Variants in PDE11A observed in about 807,000 individuals in gnomAD.
PDE11A encodes phosphodiesterase 11A.
Under a neutral mutation model 100.5 loss-of-function variants are expected in PDE11A, and 100 were observed. That is an observed-to-expected ratio of 1.00 (90% confidence interval 0.85 to 1.18). The LOEUF (loss-of-function observed/expected upper bound fraction) is 1.18, where lower values mean the gene tolerates loss of function less well. Ranked by LOEUF, PDE11A falls within the 50% of genes most tolerant of loss-of-function variation. The pLI is 0.00. For missense variants in PDE11A, 1,141 were observed against 1,152.6 expected, an observed-to-expected ratio of 0.99 and a Z score of 0.15; for synonymous variants, 381 against 420.8, an observed-to-expected ratio of 0.91 and a Z score of 1.16.
intron 2 of PDE11A, among the ~76,000 whole-genome samples, chr2:178,089,767 GA>G (rs1479238462): frequency 6.6e-6 from 1 of 152,154 alleles, no homozygotes; most frequent in Non-Finnish European, 1.5e-5. Context: ...CAAGTACTTG[GA>G]AAGAAAGCTG....
At chr2:177,726,973 CA>C (rs1244273890) in intron 12 of PDE11A, among the ~76,000 whole-genome samples, 4 of 151,586 alleles carry the variant, frequency 2.6e-5, no homozygotes, top group South Asian at 4.2e-4. Context: ...GAAATTATGC[CA>C]AAAAAAGCCT....
intron 4 of PDE11A, among the ~76,000 whole-genome samples, chr2:177,891,848 A>G (rs2084534347): frequency 6.6e-6 from 1 of 152,152 alleles, no homozygotes; most frequent in African/African-American, 2.4e-5. Context: ...TGACTTGCAA[A>G]CCCTAAAATA....
chr2:178,099,150 G>C (rs897626394), intron 2 of PDE11A, among the ~76,000 whole-genome samples: 1 of 152,172 alleles, frequency 6.6e-6, no homozygotes, highest in Non-Finnish European at 1.5e-5. Flanking sequence ...GTACGGCCAG[G>C]AACAGTGGCC....
intron 2 of PDE11A, among the ~76,000 whole-genome samples, chr2:178,087,156 C>T (rs528439895): frequency 2.0e-5 from 3 of 152,002 alleles, no homozygotes; most frequent in Non-Finnish European, 4.4e-5. Flanking sequence ...CCAAAGAGAA[C>T]AGCCTGACCA....
At chr2:177,934,084 G>A (rs961115558) in intron 2 of PDE11A, among the ~76,000 whole-genome samples, 1 of 152,078 alleles carries the variant, frequency 6.6e-6, no homozygotes, top group Non-Finnish European at 1.5e-5. Flanking sequence ...AAGAATTTAT[G>A]ACTAAGTTTT....
intron 1 of PDE11A, among the ~76,000 whole-genome samples, chr2:178,048,670 C>T (rs1260743358): frequency 6.6e-6 from 1 of 152,120 alleles, no homozygotes; most frequent in Non-Finnish European, 1.5e-5. Flanking sequence ...AGGCCCCTTG[C>T]ATGGGGAGGA....
intron 2 of PDE11A, among the ~76,000 whole-genome samples, chr2:177,923,937 T>G (rs1196555072): frequency 1.3e-5 from 2 of 152,054 alleles, no homozygotes; most frequent in African/African-American, 4.8e-5. Context: ...AATAAAAGAA[T>G]CAATTAATAA....
At chr2:177,754,856 T>C (rs2082070110) in intron 10 of PDE11A, among the ~76,000 whole-genome samples, 1 of 152,254 alleles carries the variant, frequency 6.6e-6, no homozygotes, top group African/African-American at 2.4e-5. Context: ...GGAATGTCCT[T>C]CTACTAATTG....
intron 19 of PDE11A, among the ~76,000 whole-genome samples, chr2:177,657,079 A>C (rs949935148): frequency 2.0e-5 from 3 of 152,204 alleles, no homozygotes; most frequent in African/African-American, 7.2e-5. Context: ...AAAAAACATC[A>C]TTTTGTCAAA....
At chr2:177,977,273 A>T (rs2085821539) in intron 2 of PDE11A, among the ~76,000 whole-genome samples, 1 of 139,102 alleles carries the variant, frequency 7.2e-6, no homozygotes, top group African/African-American at 2.7e-5. Flanking sequence ...TACAAAAATC[A>T]CAAGCATTCT....
At chr2:178,093,555 A>C (rs976742493) in intron 2 of PDE11A, among the ~76,000 whole-genome samples, 2 of 152,192 alleles carry the variant, frequency 1.3e-5, no homozygotes, top group Admixed American at 6.5e-5. Context: ...GAGAAAGAGA[A>C]ACAGAACTGC....
At chr2:177,688,237 G>A (rs115210447) in intron 15 of PDE11A, 17 of 152,256 alleles carry the variant, frequency 1.1e-4, no homozygotes, top group African/African-American at 4.1e-4. Flanking sequence ...CATCAATAAG[G>A]GGGTGCTCCA....
At chr2:177,797,143 T>G (rs1345512987) in intron 9 of PDE11A, 1 of 152,224 alleles carries the variant, frequency 6.6e-6, no homozygotes, top group African/African-American at 2.4e-5. Flanking sequence ...GCCCCCGGTG[T>G]AGAAAACAGG....
At chr2:177,928,464 T>C (rs2085160846) in intron 2 of PDE11A, among the ~76,000 whole-genome samples, 8 of 152,120 alleles carry the variant, frequency 5.3e-5, no homozygotes, top group Admixed American at 5.2e-4. Flanking sequence ...TGCCACTGCC[T>C]TCTAGCCTGG....
chr2:177,875,741 G>A (rs2084227232), intron 5 of PDE11A, 118 bp downstream of exon 5: 14 of 745,546 alleles, frequency 1.9e-5, no homozygotes, highest in South Asian at 1.5e-4. Context: ...GAAGAGTCAC[G>A]ATATTTGGTT....
chr2:177,783,626 A>C (rs1430204841), intron 9 of PDE11A, among the ~76,000 whole-genome samples: 1 of 152,240 alleles, frequency 6.6e-6, no homozygotes, highest in Non-Finnish European at 1.5e-5. Context: ...TTCTGTAACT[A>C]AAGATGCTTT....
chr2:177,968,430 TAGAAATTGTTTTTTCTATAGCAAACTAA>T (rs2085726108), intron 2 of PDE11A, among the ~76,000 whole-genome samples: 1 of 152,224 alleles, frequency 6.6e-6, no homozygotes, highest in Non-Finnish European at 1.5e-5. Context: ...TATGCTAAGG[TAGAAATTGTTTTTTCTATAGCAAACTAA>T]AGAAAATTTG....
chr2:177,715,433 C>T (rs2081422320), intron 12 of PDE11A, among the ~76,000 whole-genome samples: 1 of 151,926 alleles, frequency 6.6e-6, no homozygotes, highest in South Asian at 2.1e-4. Flanking sequence ...TCAATTTCTT[C>T]AGCACAATGA....
intron 1 of PDE11A, among the ~76,000 whole-genome samples, chr2:178,054,970 C>T (rs183354264): frequency 5.6e-4 from 85 of 152,278 alleles, no homozygotes; most frequent in African/African-American, 1.1e-3. Flanking sequence ...ACTAGAAATA[C>T]CATTTGACCC....
Sources: allele counts gnomAD v4.1 joint callset (sites outside exome capture counted in the v4.1 genomes callset), GRCh38; gene constraint gnomAD v4.1.1; transcripts MANE v1.5; gene names NCBI Gene and HGNC (gene_info 2026-07-23, HGNC 2026-07-21).